NAV3: variants seen among roughly 807,000 people sequenced by gnomAD.
The protein encoded by NAV3 is neuron navigator 3, also known as pore membrane and/or filament interacting like protein 1.
In NAV3, 87 loss-of-function variants were observed where a neutral mutation model predicts 244.7. The ratio of observed to expected loss-of-function variants is 0.36; its 90% CI spans 0.30 to 0.42. The LOEUF (loss-of-function observed/expected upper bound fraction) is 0.42, where lower values mean the gene tolerates loss of function less well. Among genes scored for constraint, NAV3 ranks in the 20% least tolerant of loss-of-function variants. The pLI, the probability that NAV3 is intolerant of heterozygous loss-of-function variation, is 1.00. For missense variants in NAV3, 2,663 were observed against 2,893.3 expected, an observed-to-expected ratio of 0.92 and a Z score of 1.83; for synonymous variants, 1,126 against 1,042.2, an observed-to-expected ratio of 1.08 and a Z score of -1.55.
intron 9 of NAV3, among the ~76,000 whole-genome samples, chr12:78,033,404 C>T (rs963791058): frequency 2.0e-5 from 3 of 152,006 alleles, no homozygotes; most frequent in South Asian, 2.1e-4. Flanking sequence ...TAGGTCTTGG[C>T]GTAATTAGAA....
At chr12:77,739,368 G>T (rs1269659245) in intron 2 of NAV3, among the ~76,000 whole-genome samples, 1 of 151,996 alleles carries the variant, frequency 6.6e-6, no homozygotes, top group African/African-American at 2.4e-5. Flanking sequence ...ACATTTCTGG[G>T]TTATGTATCC....
At chr12:77,763,693 G>C (rs947985579) in intron 2 of NAV3, among the ~76,000 whole-genome samples, 3 of 152,112 alleles carry the variant, frequency 2.0e-5, no homozygotes, top group African/African-American at 7.2e-5. Context: ...CTGTGGGAGG[G>C]ACCCCTTGCC....
intron 2 of NAV3, 122 bp from the exon 3 acceptor site, chr12:77,940,959 A>G: frequency 1.5e-6 from 1 of 656,212 alleles, no homozygotes; most frequent in East Asian, 2.7e-5. Flanking sequence ...AAGACAGAAT[A>G]TATGTAGCAG....
chr12:77,773,408 T>C (rs1198341490), intron 2 of NAV3, among the ~76,000 whole-genome samples: 2 of 152,206 alleles, frequency 1.3e-5, no homozygotes, highest in Admixed American at 1.3e-4. Context: ...GTGACTGTTA[T>C]ACATTTTAAG....
At chr12:78,141,904 A>G (rs1327551634) in intron 20 of NAV3, among the ~76,000 whole-genome samples, 1 of 152,176 alleles carries the variant, frequency 6.6e-6, no homozygotes. Flanking sequence ...ATGTAGCATC[A>G]TTATTATTCT....
chr12:78,026,723 G>A (rs186535081), intron 9 of NAV3, among the ~76,000 whole-genome samples: 1 of 152,098 alleles, frequency 6.6e-6, no homozygotes, highest in Non-Finnish European at 1.5e-5. Flanking sequence ...TCCAGAATTT[G>A]CCAGTTCTTC....
At chr12:77,916,364 C>T (rs543293193) in intron 1 of NAV3, among the ~76,000 whole-genome samples, 1 of 152,058 alleles carries the variant, frequency 6.6e-6, no homozygotes, top group African/African-American at 2.4e-5. Flanking sequence ...AAACATAAGT[C>T]TCTTTTTGGT....
chr12:78,177,945 A>G (rs954135083), intron 28 of NAV3, among the ~76,000 whole-genome samples: 3 of 151,814 alleles, frequency 2.0e-5, no homozygotes, highest in African/African-American at 7.3e-5. Context: ...CACCAGGGGT[A>G]CTTTCCAAGA....
intron 22 of NAV3, among the ~76,000 whole-genome samples, chr12:78,149,797 A>G (rs75883457): frequency 2.6e-5 from 4 of 152,110 alleles, no homozygotes; most frequent in Non-Finnish European, 2.9e-5. Context: ...TGATATGTCA[A>G]GAGTGAGCAG....
At chr12:78,118,968 A>T (rs1471832178) in intron 14 of NAV3, among the ~76,000 whole-genome samples, 1 of 152,188 alleles carries the variant, frequency 6.6e-6, no homozygotes, top group Admixed American at 6.5e-5. Context: ...TTATCTTTTT[A>T]AAAAGAGTTG....
intron 2 of NAV3, among the ~76,000 whole-genome samples, chr12:77,728,484 ACTT>A (rs1876978930): frequency 2.0e-5 from 3 of 151,932 alleles, no homozygotes; most frequent in African/African-American, 4.8e-5. Flanking sequence ...GCTTTAGTTT[ACTT>A]CTTCAATATT....
intron 12 of NAV3, chr12:78,091,411 G>A (rs2138018228): frequency 6.6e-6 from 1 of 152,286 alleles, no homozygotes; most frequent in East Asian, 1.9e-4. Flanking sequence ...TTGATTCTAT[G>A]AGAAATATTC....
intron 2 of NAV3, among the ~76,000 whole-genome samples, chr12:77,643,214 G>A (rs775870456): frequency 3.6e-4 from 54 of 151,808 alleles, no homozygotes; most frequent in African/African-American, 5.1e-4. Context: ...CTTTAGTCTC[G>A]TATATTAGTT....
intron 20 of NAV3, among the ~76,000 whole-genome samples, chr12:78,140,699 C>T (rs1956571307): frequency 6.6e-6 from 1 of 151,974 alleles, no homozygotes; most frequent in Admixed American, 6.6e-5. Context: ...TTCTTTGAGC[C>T]GTGACTGTTA....
Position 77,804,430 on chromosome 12 carries a change from C to A in NAV3, c.73-135889C>A, listed in dbSNP as rs181729438. On this transcript the variant is annotated intron_variant, in intron 2 of 8. Transcript: ENST00000550042. ...CAAAACCATTTATTAAATAAGGAAT[C>A]ATTTCCCCATTGCTTGTTTTTGTCA... 2.6e-3 allele frequency among the ~76,000 whole-genome samples: 402 copies of A among 152,260 alleles called. 1 individual carries two copies. The highest frequency in any genetic ancestry group is 0.024 in the Middle Eastern group (7 of 294).
chr12:78,199,282 T>G (rs1959366309), intron 36 of NAV3, 53 bp from the exon 37 acceptor site: 2 of 1,237,460 alleles, frequency 1.6e-6, no homozygotes, highest in Admixed American at 4.4e-5. Flanking sequence ...AGAATCACTG[T>G]GAATGTAAAA....
At chr12:77,588,553 A>G (rs1056739402) in intron 2 of NAV3, among the ~76,000 whole-genome samples, 1 of 152,074 alleles carries the variant, frequency 6.6e-6, no homozygotes, top group East Asian at 1.9e-4. Context: ...TGCATTTTTC[A>G]TGGATACCTT....
rs565140791 is a variant in NAV3 at position 78,170,751 on chromosome 12, A to G, written c.4981+1885A>G. 1.8e-4 allele frequency among the ~76,000 whole-genome samples: 27 copies of G among 151,858 alleles called. No homozygotes were observed. The South Asian group carries it at 5.2e-3, about 29-fold the overall frequency. On this transcript the variant is annotated intron_variant, in intron 24 of 39. Transcript: ENST00000397909. ...CATAAGTTCTTTATGAATTGTGTTC[A>G]TTCCATTTGGAATATTCTACCTTGT...
At chr12:77,968,775 T>C (rs1296715409) in intron 5 of NAV3, 73 bp downstream of exon 5, 1 of 1,437,242 alleles carries the variant, frequency 7.0e-7, no homozygotes, top group Non-Finnish European at 9.5e-7. Context: ...CAAATTATTG[T>C]CCATGAGTTT....
Sources: allele counts gnomAD v4.1 joint callset (sites outside exome capture counted in the v4.1 genomes callset), GRCh38; gene constraint gnomAD v4.1.1; transcripts MANE v1.5; gene names NCBI Gene and HGNC (gene_info 2026-07-23, HGNC 2026-07-21).